Variants in RAD54B observed in about 807,000 individuals in gnomAD.
RAD54B encodes the protein DNA repair and recombination protein RAD54B.
A neutral mutation model predicts 95.8 loss-of-function variants in RAD54B; 78 were observed. The observed-to-expected ratio is 0.81, with a 90% confidence interval of 0.68 to 0.98. The LOEUF is 0.98. Among genes scored for constraint, RAD54B ranks in the 50% least tolerant of loss-of-function variants. The pLI is 0.00. For missense variants in RAD54B, 957 were observed against 1,056.6 expected (o/e 0.91, Z 1.31); for synonymous variants, 328 against 354.9 (o/e 0.92, Z 0.85).
At chr8:94,414,193 C>G (rs949162876) in intron 3 of RAD54B, among the ~76,000 whole-genome samples, 5 of 152,148 alleles carry the variant, frequency 3.3e-5, no homozygotes, top group African/African-American at 1.2e-4. Flanking sequence ...TGAGACTTTC[C>G]TGAAGTTGCT....
At chr8:94,397,339 C>T (rs148206021) in intron 8 of RAD54B, among the ~76,000 whole-genome samples, 3 of 152,060 alleles carry the variant, frequency 2.0e-5, no homozygotes, top group Non-Finnish European at 4.4e-5. Flanking sequence ...TCTAAGAATA[C>T]AGAAACCAAC....
chr8:94,441,361 T>C, intron 3 of RAD54B, among the ~76,000 whole-genome samples: 1 of 152,088 alleles, frequency 6.6e-6, no homozygotes, highest in Non-Finnish European at 1.5e-5. Flanking sequence ...CCAAAAAGCT[T>C]CAAGTTGGGG....
At chr8:94,384,393 G>A (rs1299558993) in intron 11 of RAD54B, among the ~76,000 whole-genome samples, 1 of 152,154 alleles carries the variant, frequency 6.6e-6, no homozygotes, top group Non-Finnish European at 1.5e-5. Context: ...AAATTGGTCA[G>A]TAAAATAAAG....
intron 3 of RAD54B, chr8:94,428,998 T>C: frequency 1.0e-6 from 1 of 982,936 alleles, no homozygotes; most frequent in South Asian, 4.7e-5. Context: ...TTAATCATGG[T>C]TATACAAGGG....
chr8:94,420,823 A>G (rs1811788508), intron 3 of RAD54B, among the ~76,000 whole-genome samples: 1 of 151,842 alleles, frequency 6.6e-6, no homozygotes. Flanking sequence ...CGTCTCTACT[A>G]AAAATACAGA....
intron 2 of RAD54B, among the ~76,000 whole-genome samples, chr8:94,465,891 G>A (rs527793393): frequency 6.6e-6 from 1 of 152,276 alleles, no homozygotes; most frequent in Non-Finnish European, 1.5e-5. Flanking sequence ...ATTATGCTAA[G>A]GGAAATAAGC....
At chr8:94,422,832 C>G (rs1414333195) in intron 3 of RAD54B, among the ~76,000 whole-genome samples, 1 of 146,582 alleles carries the variant, frequency 6.8e-6, no homozygotes, top group Non-Finnish European at 1.5e-5. Flanking sequence ...TTTCATAATA[C>G]AAGTAGTCTA....
chr8:94,471,120 C>G (rs1182311291), intron 1 of RAD54B, among the ~76,000 whole-genome samples: 1 of 152,150 alleles, frequency 6.6e-6, no homozygotes, highest in Non-Finnish European at 1.5e-5. Context: ...AAGCACTTTT[C>G]ACACTGCAAT....
At chr8:94,408,031 A>G (rs910718640) in intron 4 of RAD54B, among the ~76,000 whole-genome samples, 2 of 152,186 alleles carry the variant, frequency 1.3e-5, no homozygotes, top group African/African-American at 2.4e-5. Context: ...TTGATAGGCT[A>G]TATGTATCCT....
At chr8:94,390,265 C>G (rs1368953104) in intron 10 of RAD54B, among the ~76,000 whole-genome samples, 1 of 151,374 alleles carries the variant, frequency 6.6e-6, no homozygotes, top group Non-Finnish European at 1.5e-5. Flanking sequence ...TTTGGGAGGT[C>G]GAGGCAGGCA....
chr8:94,434,574 G>A (rs1360336178), intron 3 of RAD54B, among the ~76,000 whole-genome samples: 5 of 151,832 alleles, frequency 3.3e-5, no homozygotes, highest in Non-Finnish European at 5.9e-5. Flanking sequence ...TAAAAAGGAA[G>A]AGTTTGGTAA....
intron 3 of RAD54B, among the ~76,000 whole-genome samples, chr8:94,445,291 T>A (rs1250179680): frequency 6.6e-6 from 1 of 152,158 alleles, no homozygotes; most frequent in African/African-American, 2.4e-5. Context: ...CAAAAGGCCC[T>A]ACCTCCTAAT....
intron 11 of RAD54B, among the ~76,000 whole-genome samples, chr8:94,380,622 C>T (rs1563634899): frequency 6.6e-6 from 1 of 152,112 alleles, no homozygotes; most frequent in Non-Finnish European, 1.5e-5. Flanking sequence ...ACCTTTCTGC[C>T]TTCTTCATCT....
intron 7 of RAD54B, 39 bp downstream of exon 7, chr8:94,400,199 T>A: frequency 6.5e-7 from 1 of 1,548,118 alleles, no homozygotes; most frequent in Non-Finnish European, 8.9e-7. Flanking sequence ...AAACTAGATT[T>A]TTTTTAAATG....
At chr8:94,461,848 T>C (rs1391458292) in intron 2 of RAD54B, among the ~76,000 whole-genome samples, 1 of 152,232 alleles carries the variant, frequency 6.6e-6, no homozygotes, top group Non-Finnish European at 1.5e-5. Context: ...AGTAAAATTA[T>C]CAAAATTGAT....
intron 3 of RAD54B, among the ~76,000 whole-genome samples, chr8:94,441,171 G>T (rs182679434): frequency 7.7e-4 from 118 of 152,290 alleles, no homozygotes; most frequent in African/African-American, 2.8e-3. Flanking sequence ...CTTTAGTGTT[G>T]TGAGCCCTTA....
intron 2 of RAD54B, among the ~76,000 whole-genome samples, chr8:94,465,579 C>T (rs1411336768): frequency 6.6e-6 from 1 of 152,148 alleles, no homozygotes; most frequent in Non-Finnish European, 1.5e-5. Flanking sequence ...TAAAATGGTA[C>T]AGCTATGAAA....
At chr8:94,407,986 T>A (rs571594488) in intron 4 of RAD54B, among the ~76,000 whole-genome samples, 83 of 152,300 alleles carry the variant, frequency 5.4e-4, no homozygotes, top group African/African-American at 1.8e-3. Context: ...AGTTTTGCCA[T>A]CTCTTGTCCG....
At chr8:94,450,253 C>T (rs979427486) in intron 3 of RAD54B, among the ~76,000 whole-genome samples, 2 of 152,204 alleles carry the variant, frequency 1.3e-5, no homozygotes, top group Admixed American at 6.5e-5. Flanking sequence ...ATTCACCAAT[C>T]AACTGGTCAC....
Sources: gnomAD v4.1 joint callset for allele counts (sites outside exome capture counted in the v4.1 genomes callset) on GRCh38, gnomAD v4.1.1 for gene constraint, MANE v1.5 for transcripts, NCBI Gene and HGNC (gene_info 2026-07-23, HGNC 2026-07-21) for gene names.